Variants in NPY2R observed in about 807,000 individuals in gnomAD.
NPY2R encodes the protein neuropeptide Y receptor type 2.
A neutral mutation model predicts 22.3 loss-of-function variants in NPY2R; 17 were observed. The ratio of observed to expected loss-of-function variants is 0.76; its 90% confidence interval spans 0.52 to 1.14. The LOEUF (loss-of-function observed/expected upper bound fraction) is 1.14, where lower values mean the gene tolerates loss of function less well. Ranked by LOEUF, NPY2R falls within the 50% of genes most tolerant of loss-of-function variation. The pLI, the probability that NPY2R is intolerant of heterozygous loss-of-function variation, is 0.00. For missense variants in NPY2R, 424 were observed against 467.9 expected (o/e 0.91, Z 0.87); for synonymous variants, 209 against 183.4 (o/e 1.14, Z -1.13).
the NPY2R span, among the ~76,000 whole-genome samples, chr4:155,183,024 C>T: frequency 3.9e-5 from 6 of 152,066 alleles, no homozygotes; most frequent in Non-Finnish European, 8.8e-5. Context: ...AACTCCTGAC[C>T]TCAGGTGATC....
the NPY2R span, among the ~76,000 whole-genome samples, chr4:155,199,916 A>C: frequency 6.6e-6 from 1 of 152,198 alleles, no homozygotes; most frequent in African/African-American, 2.4e-5. Flanking sequence ...ATCCTAGAGA[A>C]AATCTAGGCA....
the NPY2R span, among the ~76,000 whole-genome samples, chr4:155,183,329 T>G: frequency 2.0e-5 from 3 of 152,174 alleles, no homozygotes; most frequent in Non-Finnish European, 2.9e-5. Flanking sequence ...GAATTCCTTA[T>G]GACCTCAGGG....
the NPY2R span, among the ~76,000 whole-genome samples, chr4:155,196,280 C>A: frequency 1.3e-5 from 2 of 151,880 alleles, no homozygotes; most frequent in African/African-American, 4.8e-5. Context: ...ACCTTAGAGG[C>A]TTTCCTGAGA....
chr4:155,186,882 T>C, the NPY2R span, among the ~76,000 whole-genome samples: 1 of 152,186 alleles, frequency 6.6e-6, no homozygotes. Context: ...GGTTCTTATA[T>C]AAAAATATTT....
chr4:155,201,886 T>TC, the NPY2R span, among the ~76,000 whole-genome samples: 5 of 152,180 alleles, frequency 3.3e-5, no homozygotes, highest in African/African-American at 1.2e-4. Flanking sequence ...CATTAACACA[T>TC]CAGTCTTATC....
chr4:155,198,219 G>T, the NPY2R span, among the ~76,000 whole-genome samples: 1 of 151,844 alleles, frequency 6.6e-6, no homozygotes, highest in Non-Finnish European at 1.5e-5. Context: ...ATTTGCTGTG[G>T]TTATCTGGGT....
At chr4:155,204,889 A>G (rs938057919), upstream of NPY2R, among the ~76,000 whole-genome samples, 1 of 150,780 alleles carries the variant, frequency 6.6e-6, no homozygotes, top group South Asian at 2.1e-4. Flanking sequence ...GAGAGCAGCT[A>G]TTGGTTTCAG....
upstream of NPY2R, chr4:155,208,324 T>G (rs771738825): frequency 3.3e-5 from 5 of 152,282 alleles, no homozygotes; most frequent in Non-Finnish European, 7.3e-5. The surrounding 1 kb of genome is among the most constrained non-coding windows in gnomAD (Gnocchi z 5.6). Flanking sequence ...CCGCAGTCCC[T>G]CAGCCGCAGC....
At chr4:155,209,778 G>GA (rs1322493344) in intron 1 of NPY2R, among the ~76,000 whole-genome samples, 1 of 151,740 alleles carries the variant, frequency 6.6e-6, no homozygotes, top group Non-Finnish European at 1.5e-5. Flanking sequence ...TTTTCCCTGG[G>GA]AAAAATGTTC....
chr4:155,212,750 G>A (rs1014819780), intron 1 of NPY2R, among the ~76,000 whole-genome samples: 2 of 152,210 alleles, frequency 1.3e-5, no homozygotes, highest in African/African-American at 4.8e-5. Context: ...AGGTGGAAGA[G>A]ATATGTAACA....
the NPY2R span, among the ~76,000 whole-genome samples, chr4:155,203,341 G>T: frequency 6.6e-6 from 1 of 152,064 alleles, no homozygotes; most frequent in African/African-American, 2.4e-5. Flanking sequence ...TGAAGTTCAC[G>T]ATTTGATGAC....
chr4:155,183,598 A>G, the NPY2R span, among the ~76,000 whole-genome samples: 1 of 152,170 alleles, frequency 6.6e-6, no homozygotes, highest in Non-Finnish European at 1.5e-5. Context: ...TGATTTTTTT[A>G]AAAGGATTAG....
At chr4:155,174,144 T>C in the NPY2R span, 1 of 151,936 alleles carries the variant, frequency 6.6e-6, no homozygotes, top group Non-Finnish European at 1.5e-5. Flanking sequence ...AGTTTTTGCA[T>C]TGATCTTTTT....
chr4:155,210,988 T>C (rs1729392982), intron 1 of NPY2R, among the ~76,000 whole-genome samples: 1 of 152,182 alleles, frequency 6.6e-6, no homozygotes, highest in Non-Finnish European at 1.5e-5. Context: ...AATTTTTTTT[T>C]TGTATAAGCA....
the NPY2R span, among the ~76,000 whole-genome samples, chr4:155,196,900 A>G: frequency 1.3e-5 from 2 of 151,964 alleles, no homozygotes; most frequent in Admixed American, 1.3e-4. Flanking sequence ...TGTGGATGGG[A>G]CAGTAAAATT....
At position 155,214,871 on chromosome 4, in the gene NPY2R, ACAT is replaced by A; in HGVS notation, c.937_939del (p.Ile313del). 4 of 1,610,738 alleles carry A rather than the reference ACAT, an allele frequency of 2.5e-6. No homozygotes were observed. The highest frequency in any genetic ancestry group is 3.4e-6 in the Non-Finnish European group (4 of 1,177,852). On this transcript the variant is annotated inframe_deletion, in exon 2 of 2. Transcript: ENST00000329476. ...TACAAACTCATCTTCACAGTGTTCCACATCATCGCCATGTGCTCCACTTTTGCC... is the reference window on the plus strand; with the variant it reads ...TACAAACTCATCTTCACAGTGTTCCACATCGCCATGTGCTCCACTTTTGCC...
the NPY2R span, among the ~76,000 whole-genome samples, chr4:155,192,746 G>A: frequency 6.6e-6 from 1 of 151,808 alleles, no homozygotes; most frequent in Non-Finnish European, 1.5e-5. Flanking sequence ...CAACTCTTAC[G>A]ACTAACATTA....
the NPY2R span, chr4:155,174,027 AT>A: frequency 6.6e-6 from 1 of 152,116 alleles, no homozygotes; most frequent in Non-Finnish European, 1.5e-5. Context: ...CAACTTAATC[AT>A]TTGTTCAAAT....
the NPY2R span, among the ~76,000 whole-genome samples, chr4:155,180,696 C>T: frequency 6.6e-6 from 1 of 151,940 alleles, no homozygotes; most frequent in South Asian, 2.1e-4. Context: ...TTTTTCTTTG[C>T]AAAGTCTTCC....
Sources: allele counts gnomAD v4.1 joint callset (sites outside exome capture counted in the v4.1 genomes callset), GRCh38; gene constraint gnomAD v4.1.1; non-coding constraint Gnocchi (gnomAD v3.1); transcripts MANE v1.5; gene names NCBI Gene and HGNC (gene_info 2026-07-23, HGNC 2026-07-21).